BCL2: variants seen among roughly 807,000 people sequenced by gnomAD.
BCL2 encodes apoptosis regulator Bcl-2.
In BCL2, 1 loss-of-function variant was observed where a neutral mutation model predicts 14.2. The observed-to-expected ratio is 0.07, with a 90% CI of 0.02 to 0.33. The LOEUF is 0.33. BCL2 is among the 10% of genes least tolerant of loss of function. The pLI is 0.99. For missense variants in BCL2, 247 were observed against 305.9 expected (o/e 0.81, Z 1.44); for synonymous variants, 151 against 137.2 (o/e 1.10, Z -0.70).
At chr18:63,207,422 G>A (rs1909867683) in intron 2 of BCL2, among the ~76,000 whole-genome samples, 1 of 152,226 alleles carries the variant, frequency 6.6e-6, no homozygotes, top group African/African-American at 2.4e-5. Flanking sequence ...ACAGAGCCTT[G>A]TAAGTCTAAG....
chr18:63,317,944 G>A (rs1913548173), intron 2 of BCL2, 138 bp downstream of exon 2: 1 of 1,473,182 alleles, frequency 6.8e-7, no homozygotes, highest in Non-Finnish European at 9.0e-7. Flanking sequence ...AGGAGGTAGG[G>A]ACGCCGGGAA....
chr18:63,200,317 T>C (rs1207290883), intron 2 of BCL2, among the ~76,000 whole-genome samples: 5 of 152,210 alleles, frequency 3.3e-5, no homozygotes, highest in Admixed American at 3.3e-4. Flanking sequence ...GGAAACCAAA[T>C]ATGAGGTACC....
intron 2 of BCL2, among the ~76,000 whole-genome samples, chr18:63,162,339 C>G (rs1914940521): frequency 6.6e-6 from 1 of 152,272 alleles, no homozygotes; most frequent in African/African-American, 2.4e-5. Context: ...ACACCCACAC[C>G]CACCCCAACC....
At chr18:63,287,564 A>T (rs759972623) in intron 2 of BCL2, among the ~76,000 whole-genome samples, 1 of 152,180 alleles carries the variant, frequency 6.6e-6, no homozygotes, top group Non-Finnish European at 1.5e-5. Flanking sequence ...CCTGTTCTGT[A>T]TACTGATTAG....
intron 2 of BCL2, among the ~76,000 whole-genome samples, chr18:63,289,974 A>G (rs1376753334): frequency 6.6e-6 from 1 of 152,192 alleles, no homozygotes; most frequent in East Asian, 1.9e-4. Context: ...AAACTGGAGC[A>G]GGTGAATGAA....
At chr18:63,250,009 C>T (rs1397357186) in intron 2 of BCL2, among the ~76,000 whole-genome samples, 3 of 152,096 alleles carry the variant, frequency 2.0e-5, no homozygotes, top group Admixed American at 6.5e-5. Flanking sequence ...CTCTGCAGGG[C>T]GGGTATTTTA....
chr18:63,134,064 T>C (rs761583114), intron 2 of BCL2, among the ~76,000 whole-genome samples: 5 of 152,096 alleles, frequency 3.3e-5, no homozygotes, highest in Admixed American at 2.0e-4. Flanking sequence ...ACCTAACATA[T>C]ACATGTGCGC....
At chr18:63,261,475 C>T (rs1911657171) in intron 2 of BCL2, among the ~76,000 whole-genome samples, 1 of 152,174 alleles carries the variant, frequency 6.6e-6, no homozygotes, top group Non-Finnish European at 1.5e-5. Context: ...TGATAAAACA[C>T]CAAAGCCAAC....
rs144063650 is a variant in BCL2, at chr18:63,290,098, C to G, written c.585+27984G>C. Reference sequence around the variant, plus strand: ...TGAGCAGAAGCTGGAAGAATGCACCCTAGGTTTTGAGCCTGGGTGATCGGA... The same window carrying G: ...TGAGCAGAAGCTGGAAGAATGCACCGTAGGTTTTGAGCCTGGGTGATCGGA... On this transcript the variant is annotated intron_variant, in intron 2 of 2. Transcript: ENST00000333681. Among the ~76,000 whole-genome samples the G allele has an allele frequency of 4.0e-4, 61 of 152,064 alleles. 1 individual carries two copies. The East Asian group carries it at 0.011, about 28-fold the overall frequency.
intron 2 of BCL2, among the ~76,000 whole-genome samples, chr18:63,229,001 C>T (rs1433130781): frequency 1.3e-5 from 2 of 152,214 alleles, no homozygotes; most frequent in African/African-American, 2.4e-5. Context: ...TGAGCCACCA[C>T]GCCCGGCCTA....
At chr18:63,276,372 G>T (rs2144247669) in intron 2 of BCL2, among the ~76,000 whole-genome samples, 1 of 152,318 alleles carries the variant, frequency 6.6e-6, no homozygotes, top group Middle Eastern at 3.4e-3. Flanking sequence ...AATCCATGGG[G>T]GCTGTTCTGG....
chr18:63,193,582 A>ATGTGTGTGTGTG (rs201003163), intron 2 of BCL2, among the ~76,000 whole-genome samples: 9 of 139,424 alleles, frequency 6.5e-5, no homozygotes, highest in Admixed American at 3.6e-4. Flanking sequence ...AGTAGTATGT[A>ATGTGTGTGTGTG]TGTGTGTGTG....
In BCL2 at chr18:63,145,302, A is replaced by G. The variant is rs1337052522; in HGVS notation, c.586-16543T>C. Among the ~76,000 whole-genome samples the G allele has an allele frequency of 2.6e-5, 4 of 152,344 alleles. No homozygotes were observed. In the East Asian group the frequency reaches 7.7e-4, roughly 29 times the overall value. ...AACGTGCATGAACAAGAGTGGCTCC[A>G]CACCACGGACAGAGCATAAGCCCTC... On this transcript the variant is annotated intron_variant, in intron 2 of 2. Coordinates refer to ENST00000333681, the MANE Select transcript of BCL2 (RefSeq NM_000633.3).
At chr18:63,140,663 G>C (rs867517244) in intron 2 of BCL2, among the ~76,000 whole-genome samples, 1 of 152,222 alleles carries the variant, frequency 6.6e-6, no homozygotes, top group Non-Finnish European at 1.5e-5. Flanking sequence ...AGACTAGGGA[G>C]TCATTGCTAA....
At chr18:63,229,581 C>T (rs78632215) in intron 2 of BCL2, among the ~76,000 whole-genome samples, 3,694 of 152,244 alleles carry the variant, frequency 0.024, 62 homozygotes, top group Middle Eastern at 0.038. Context: ...GCACCTTCCC[C>T]GTCTCCTCTC....
At chr18:63,189,003 T>TG in intron 2 of BCL2, among the ~76,000 whole-genome samples, 2 of 150,424 alleles carry the variant, frequency 1.3e-5, no homozygotes, top group Non-Finnish European at 3.0e-5. Flanking sequence ...CCCCAAGTTT[T>TG]TTTTTTTTTT....
chr18:63,315,387 C>G (rs1568267566), intron 2 of BCL2: 1 of 152,240 alleles, frequency 6.6e-6, no homozygotes, highest in Non-Finnish European at 1.5e-5. Context: ...TTGTAGTCTT[C>G]TGGGACAATC....
chr18:63,299,594 C>T (rs1912898004), intron 2 of BCL2, among the ~76,000 whole-genome samples: 1 of 152,194 alleles, frequency 6.6e-6, no homozygotes, highest in Non-Finnish European at 1.5e-5. Flanking sequence ...AAGGTCTAAT[C>T]AAACTCCTTA....
At chr18:63,290,690 G>T (rs1046173359) in intron 2 of BCL2, among the ~76,000 whole-genome samples, 2 of 152,166 alleles carry the variant, frequency 1.3e-5, no homozygotes, top group African/African-American at 4.8e-5. Context: ...GCTTTGGAGA[G>T]ATCACCTTTC....
Sources: gnomAD v4.1 joint callset for allele counts (sites outside exome capture counted in the v4.1 genomes callset) on GRCh38, gnomAD v4.1.1 for gene constraint, MANE v1.5 for transcripts, NCBI Gene and HGNC (gene_info 2026-07-23, HGNC 2026-07-21) for gene names.